Variants in TENM4 observed in about 807,000 individuals in gnomAD.
TENM4 encodes the protein teneurin-4.
In TENM4, 82 loss-of-function variants were observed where a neutral mutation model predicts 243.3. The observed-to-expected ratio is 0.34, with a 90% CI of 0.28 to 0.40. TENM4 has a LOEUF of 0.40. TENM4 is among the 10% of genes least tolerant of loss of function. The pLI is 1.00. For synonymous variants in TENM4, 1,412 were observed against 1,456.3 expected (o/e 0.97, Z 0.69); for missense variants, 3,138 against 3,673.3 (o/e 0.85, Z 3.77).
At chr11:79,290,331 A>G (rs1408231271) in intron 2 of TENM4, among the ~76,000 whole-genome samples, 2 of 152,350 alleles carry the variant, frequency 1.3e-5, no homozygotes, top group East Asian at 1.9e-4. Flanking sequence ...GTAATATTTT[A>G]TAAACATAGC....
In TENM4 at chr11:79,357,613, C is replaced by T. The variant is rs369006647; in HGVS notation, c.-320-60070G>A. On this transcript the variant is annotated intron_variant, in intron 1 of 33. Coordinates refer to ENST00000278550, the MANE Select transcript of TENM4 (RefSeq NM_001098816.3). ...CATAACCCATTGACTTTGCAGTTCTCAAAGCATGTTTAAAGGCCAAATTTT... is the reference window on the plus strand; with the variant it reads ...CATAACCCATTGACTTTGCAGTTCTTAAAGCATGTTTAAAGGCCAAATTTT... Among the ~76,000 whole-genome samples the T allele has an allele frequency of 7.2e-5, 11 of 152,294 alleles. No individual in the cohort carries two copies. In the South Asian group the frequency reaches 1.9e-3, roughly 26 times the overall value.
chr11:79,007,093 C>A (rs983257769), intron 6 of TENM4, among the ~76,000 whole-genome samples: 2 of 152,132 alleles, frequency 1.3e-5, no homozygotes, highest in East Asian at 3.9e-4. Context: ...AGCTTGCCAG[C>A]CTACCCTGCA....
intron 3 of TENM4, among the ~76,000 whole-genome samples, chr11:79,158,315 T>C (rs1862665389): frequency 6.6e-6 from 1 of 152,226 alleles, no homozygotes; most frequent in Non-Finnish European, 1.5e-5. Context: ...CCTTGCAAAG[T>C]TGTAGTCATA....
chr11:79,368,392 G>C (rs1857717114), intron 1 of TENM4, among the ~76,000 whole-genome samples: 2 of 152,352 alleles, frequency 1.3e-5, no homozygotes, highest in South Asian at 2.1e-4. Flanking sequence ...GACAGAGACA[G>C]TGAGAATTAA....
At chr11:78,993,251 G>A (rs1467606738) in intron 6 of TENM4, among the ~76,000 whole-genome samples, 2 of 152,276 alleles carry the variant, frequency 1.3e-5, no homozygotes, top group East Asian at 3.9e-4. Flanking sequence ...TGGAGGAAGA[G>A]GGGGCATTAC....
chr11:79,095,379 G>A (rs1232295509), intron 4 of TENM4, among the ~76,000 whole-genome samples: 5 of 152,224 alleles, frequency 3.3e-5, no homozygotes, highest in South Asian at 2.1e-4. Context: ...CACACTTAGC[G>A]AGTCTTTCTC....
chr11:79,088,875 G>A (rs761014865), intron 4 of TENM4, among the ~76,000 whole-genome samples: 7 of 152,184 alleles, frequency 4.6e-5, no homozygotes, highest in Admixed American at 1.3e-4. Context: ...GACAGAGCAG[G>A]CACCAGTTTT....
chr11:79,155,334 C>T (rs1196112242), intron 3 of TENM4, among the ~76,000 whole-genome samples: 1 of 151,298 alleles, frequency 6.6e-6, no homozygotes, highest in Non-Finnish European at 1.5e-5. Context: ...GCTTCATGGG[C>T]TAAAATATGT....
At chr11:79,394,968 C>T (rs150947026) in intron 1 of TENM4, among the ~76,000 whole-genome samples, 1 of 152,324 alleles carries the variant, frequency 6.6e-6, no homozygotes, top group African/African-American at 2.4e-5. Context: ...GATTCCACCC[C>T]TGGAGCCCCC....
intron 6 of TENM4, among the ~76,000 whole-genome samples, chr11:78,962,684 C>A (rs1230925462): frequency 6.6e-6 from 1 of 152,346 alleles, no homozygotes; most frequent in South Asian, 2.1e-4. Context: ...GGTGATCTAT[C>A]AAACAGCTGC....
intron 1 of TENM4, among the ~76,000 whole-genome samples, chr11:79,344,110 C>T (rs555555546): frequency 2.0e-5 from 3 of 152,294 alleles, no homozygotes; most frequent in Non-Finnish European, 2.9e-5. Context: ...TACTCCCAGA[C>T]CTAGGTGGGA....
chr11:78,970,039 G>C (rs979206723), intron 6 of TENM4, among the ~76,000 whole-genome samples: 2 of 152,216 alleles, frequency 1.3e-5, no homozygotes, highest in Non-Finnish European at 2.9e-5. Flanking sequence ...GCATTCAGTT[G>C]CTTCACTGAA....
intron 4 of TENM4, among the ~76,000 whole-genome samples, chr11:79,086,410 C>T (rs897957474): frequency 6.6e-6 from 1 of 152,200 alleles, no homozygotes; most frequent in Admixed American, 6.5e-5. Flanking sequence ...AACCAACATG[C>T]AGTCATTTTA....
At chr11:79,311,858 C>T (rs754585018) in intron 1 of TENM4, among the ~76,000 whole-genome samples, 12 of 152,166 alleles carry the variant, frequency 7.9e-5, no homozygotes, top group Non-Finnish European at 1.6e-4. Flanking sequence ...GCAACTTAAG[C>T]CCTTGCAGCC....
chr11:78,757,087 C>T (rs1856329226), intron 18 of TENM4, 66 bp from the exon 19 acceptor site: 6 of 1,461,628 alleles, frequency 4.1e-6, no homozygotes, highest in African/African-American at 1.4e-5. Flanking sequence ...ATCCAGAATG[C>T]CTTAATTCAT....
intron 7 of TENM4, among the ~76,000 whole-genome samples, chr11:78,896,079 G>A (rs1855787237): frequency 6.6e-6 from 1 of 152,200 alleles, no homozygotes; most frequent in South Asian, 2.1e-4. Flanking sequence ...CTTTTGGGAA[G>A]GAAGTAGCCA....
intron 1 of TENM4, among the ~76,000 whole-genome samples, chr11:79,380,784 C>A (rs1368009420): frequency 6.6e-6 from 1 of 152,146 alleles, no homozygotes; most frequent in Non-Finnish European, 1.5e-5. Flanking sequence ...TACGGAAAGG[C>A]AATAGAACCA....
intron 21 of TENM4, 126 bp from the exon 22 acceptor site, chr11:78,729,769 G>T: frequency 7.9e-7 from 1 of 1,266,344 alleles, no homozygotes; most frequent in Non-Finnish European, 1.1e-6. Flanking sequence ...AGAGAGGAGG[G>T]GAAAAAAAGA....
At chr11:78,756,324 CGTATAAAATT>C in intron 19 of TENM4, 1 of 178,458 alleles carries the variant, frequency 5.6e-6, no homozygotes, top group South Asian at 1.3e-4. Context: ...CACAGACCTC[CGTATAAAATT>C]GTCCAATGGA....
Sources: allele counts gnomAD v4.1 joint callset (sites outside exome capture counted in the v4.1 genomes callset), GRCh38; gene constraint gnomAD v4.1.1; transcripts MANE v1.5; gene names NCBI Gene and HGNC (gene_info 2026-07-23, HGNC 2026-07-21).